The following DAAM1 variants were observed in gnomAD, a reference collection of about 807,000 sequenced individuals.
The protein encoded by DAAM1 is disheveled-associated activator of morphogenesis 1.
A neutral mutation model predicts 130.0 loss-of-function variants in DAAM1; 52 were observed. That is an observed-to-expected ratio of 0.40 (90% CI 0.32 to 0.50). DAAM1 has a LOEUF of 0.50. Among genes scored for constraint, DAAM1 ranks in the 20% least tolerant of loss-of-function variants. The pLI, the probability that DAAM1 is intolerant of heterozygous loss-of-function variation, is 0.61. For synonymous variants in DAAM1, 452 were observed against 444.5 expected, an observed-to-expected ratio of 1.02 and a Z score of -0.21; for missense variants, 1,134 against 1,303.8, an observed-to-expected ratio of 0.87 and a Z score of 2.01.
chr14:59,355,289 A>G lies in DAAM1; in HGVS notation c.2481A>G (p.Ile827Met). The change falls in exon 20 of 25, where the codon ATA becomes ATG. Residue 827 changes from isoleucine to methionine, a missense_variant. By Grantham distance (10) the Ile-to-Met change is conservative. This residue lies in a region of DAAM1 where 644 missense variants were observed against 695.9 expected (regional missense o/e 0.93). Transcript: ENST00000360909. ...GAGGGAATGCATATGGATTCAAGAT[A>G]TCTAGCCTAAACAAAATTGCTGACA... is the stretch of plus-strand genomic sequence containing the variant. Reference protein sequence around the residue: ...GQRGNAYGFKISSLNKIADTK... With the variant: ...GQRGNAYGFKMSSLNKIADTK... The G allele has an allele frequency of 6.2e-7, 1 of 1,614,146 alleles. No individual in the cohort carries two copies. Among genetic ancestry groups the G allele is most frequent in the South Asian group, 1.1e-5 (1 of 91,068 alleles).
At position 59,224,622 on chromosome 14, in the gene DAAM1, C is replaced by T. The variant is rs188740313; in HGVS notation, c.-38+35854C>T. Among the ~76,000 whole-genome samples, 7 of 152,276 alleles carry T rather than the reference C, an allele frequency of 4.6e-5. No homozygotes were observed. The East Asian group carries it at 1.3e-3, about 29-fold the overall frequency. ...TTTAGATGAGACTATGGACTTTAAA[C>T]GTTTGAGTTGGTACTGGATTGAGTT... On this transcript the variant is annotated intron_variant, in intron 1 of 24. Transcript: ENST00000360909.
intron 8 of DAAM1, 145 bp from the exon 9 acceptor site, chr14:59,325,519 T>C: frequency 1.4e-6 from 1 of 690,912 alleles, no homozygotes; most frequent in Non-Finnish European, 2.4e-6. Context: ...AAGAACAAAG[T>C]TGAAGCTTTC....
At chr14:59,201,889 C>T (rs779714059) in intron 1 of DAAM1, among the ~76,000 whole-genome samples, 1 of 152,098 alleles carries the variant, frequency 6.6e-6, no homozygotes, top group Admixed American at 6.5e-5. Flanking sequence ...GGGTCTTTTA[C>T]CTGTCATATA....
intron 1 of DAAM1, among the ~76,000 whole-genome samples, chr14:59,190,355 C>T (rs1475737161): frequency 6.6e-6 from 1 of 152,156 alleles, no homozygotes; most frequent in Admixed American, 6.5e-5. Context: ...TTCCCCCTTT[C>T]GGGCTAGCCG....
intron 2 of DAAM1, among the ~76,000 whole-genome samples, chr14:59,272,604 TATATAC>T (rs1398633975): frequency 3.4e-5 from 3 of 88,130 alleles, no homozygotes; most frequent in Admixed American, 1.5e-4. Flanking sequence ...AAAATATATA[TATATAC>T]ACACACACAC....
At chr14:59,251,275 G>C (rs1259084206) in intron 1 of DAAM1, among the ~76,000 whole-genome samples, 4 of 152,174 alleles carry the variant, frequency 2.6e-5, no homozygotes, top group Non-Finnish European at 5.9e-5. Context: ...AATCTAGAAA[G>C]TGTAAGATGT....
chr14:59,282,182 C>T (rs1201198955), intron 2 of DAAM1, among the ~76,000 whole-genome samples: 1 of 152,102 alleles, frequency 6.6e-6, no homozygotes, highest in Non-Finnish European at 1.5e-5. Context: ...CATGTTCCCT[C>T]ATAATGGAAT....
At chr14:59,362,818 A>G (rs1886761660) in intron 22 of DAAM1, 1 of 152,140 alleles carries the variant, frequency 6.6e-6, no homozygotes, top group Admixed American at 6.5e-5. Flanking sequence ...GGTATACAAC[A>G]TAGTTATTAC....
chr14:59,295,926 A>G (rs950401194), intron 3 of DAAM1, among the ~76,000 whole-genome samples: 3 of 152,204 alleles, frequency 2.0e-5, no homozygotes, highest in Non-Finnish European at 2.9e-5. Flanking sequence ...CCAGGGACCC[A>G]CTTTGCTAGG....
intron 12 of DAAM1, among the ~76,000 whole-genome samples, chr14:59,328,240 G>C (rs951074391): frequency 1.3e-5 from 2 of 152,176 alleles, no homozygotes; most frequent in South Asian, 4.1e-4. Context: ...GTTATGTTAC[G>C]AGTTCCTCAT....
intron 3 of DAAM1, among the ~76,000 whole-genome samples, chr14:59,313,389 T>G (rs558015195): frequency 6.6e-6 from 1 of 152,270 alleles, no homozygotes; most frequent in African/African-American, 2.4e-5. Flanking sequence ...CTTCTTCCCC[T>G]TATTGTGATG....
intron 2 of DAAM1, among the ~76,000 whole-genome samples, chr14:59,275,023 T>C (rs1566679517): frequency 6.6e-6 from 1 of 152,178 alleles, no homozygotes; most frequent in Non-Finnish European, 1.5e-5. Context: ...AGCTTTAAAG[T>C]GTCAGACAAG....
chr14:59,246,710 G>A (rs760260641), intron 1 of DAAM1, among the ~76,000 whole-genome samples: 2 of 152,090 alleles, frequency 1.3e-5, no homozygotes, highest in Non-Finnish European at 2.9e-5. Context: ...GCCAACGCTT[G>A]TTATTTTCTG....
At chr14:59,296,611 AC>A (rs1883963483) in intron 3 of DAAM1, among the ~76,000 whole-genome samples, 1 of 152,148 alleles carries the variant, frequency 6.6e-6, no homozygotes, top group Admixed American at 6.5e-5. Context: ...GGAGAAACCA[AC>A]CTCTAGGAGT....
intron 1 of DAAM1, among the ~76,000 whole-genome samples, chr14:59,254,054 A>G (rs1248067177): frequency 6.6e-6 from 1 of 152,218 alleles, no homozygotes; most frequent in East Asian, 1.9e-4. Flanking sequence ...GGATGGCACC[A>G]AAGGGTGGAC....
At chr14:59,315,383 G>A (rs1884751157) in intron 4 of DAAM1, 32 bp downstream of exon 4, 2 of 1,597,502 alleles carry the variant, frequency 1.3e-6, no homozygotes, top group Admixed American at 1.7e-5. Flanking sequence ...TTGACACACT[G>A]TTTAAAATGC....
Position 59,323,104 on chromosome 14 carries a change from A to T in DAAM1, c.653A>T (p.Lys218Ile). ...IAQSLSTENI[K>I]TKVAVLEILG... The stretch of plus-strand genomic sequence containing the variant: ...CAGAGTCTGAGCACAGAGAACATTA[A>T]AACGAAGGTGGCCGTGCTGGAAATC... Residue 218 changes from lysine to isoleucine, a missense_variant, in exon 6 of 25, where the codon AAA becomes ATA. Around this residue, in one of 3 missense-constraint regions of DAAM1, gnomAD observed 391 missense variants for 521.6 expected, o/e 0.75. Transcript: ENST00000360909. The T allele has an allele frequency of 6.2e-7, 1 of 1,613,726 alleles. No homozygotes were observed. Among genetic ancestry groups the T allele is most frequent in the Non-Finnish European group, 8.5e-7 (1 of 1,179,800 alleles).
At chr14:59,192,430 G>A (rs920844765) in intron 1 of DAAM1, among the ~76,000 whole-genome samples, 1 of 152,126 alleles carries the variant, frequency 6.6e-6, no homozygotes, top group Non-Finnish European at 1.5e-5. Flanking sequence ...TGCCCTAGGT[G>A]TTTGGTTCAG....
intron 1 of DAAM1, among the ~76,000 whole-genome samples, chr14:59,205,702 G>C (rs1298453032): frequency 1.3e-5 from 2 of 152,132 alleles, no homozygotes; most frequent in Non-Finnish European, 2.9e-5. Flanking sequence ...GGAATATTCT[G>C]TTTTTAAAAA....
Sources: allele counts gnomAD v4.1 joint callset (sites outside exome capture counted in the v4.1 genomes callset), GRCh38; gene constraint gnomAD v4.1.1; regional missense constraint gnomAD v4.1.1; transcripts MANE v1.5; gene names NCBI Gene and HGNC (gene_info 2026-07-23, HGNC 2026-07-21).